POLR3G: variants seen among roughly 807,000 people sequenced by gnomAD.
POLR3G encodes the protein RNA polymerase III subunit G, also known as DNA-directed RNA polymerase III subunit RPC7.
POLR3G carries 28 observed loss-of-function variants against 30.1 expected under a neutral mutation model. That is an observed-to-expected ratio of 0.93 (90% CI 0.69 to 1.27). POLR3G has a LOEUF of 1.27. POLR3G is among the 50% of genes most tolerant of loss of function. The pLI is 0.00. For missense variants in POLR3G, 254 were observed against 264.6 expected, an observed-to-expected ratio of 0.96 and a Z score of 0.28; for synonymous variants, 79 against 82.5, an observed-to-expected ratio of 0.96 and a Z score of 0.23.
chr5:90,500,346 C>T (rs965304322), intron 5 of POLR3G, among the ~76,000 whole-genome samples: 3 of 151,900 alleles, frequency 2.0e-5, no homozygotes, highest in African/African-American at 7.3e-5. Flanking sequence ...TATGCAGATA[C>T]TTGGCCAAAG....
At position 90,487,883 on chromosome 5, in the gene POLR3G, T is replaced by A. The variant is rs549921739; in HGVS notation, c.118-117T>A. 2.3e-5 allele frequency: 18 copies of A among 766,594 alleles called. No individual in the cohort carries two copies. In the African/African-American group the frequency reaches 2.4e-4, roughly 10 times the overall value. 47.5% of individuals were successfully genotyped at this position (766,594 alleles called of 1,614,324 possible). ...TCATCTTTTAAGTTGGTTGTAAAACTTAGTGCCTGTAAAACATAGTATTTC... is the reference window on the plus strand; with the variant it reads ...TCATCTTTTAAGTTGGTTGTAAAACATAGTGCCTGTAAAACATAGTATTTC... On this transcript the variant is annotated intron_variant, in intron 2 of 7. Coordinates refer to ENST00000651687, the MANE Select transcript of POLR3G (RefSeq NM_006467.3).
intron 7 of POLR3G, among the ~76,000 whole-genome samples, chr5:90,507,306 T>A: frequency 6.6e-6 from 1 of 152,230 alleles, no homozygotes; most frequent in Non-Finnish European, 1.5e-5. Context: ...TTCTTCTCCA[T>A]TCTGGTGACC....
chr5:90,485,298 G>A (rs1048305485), intron 1 of POLR3G, among the ~76,000 whole-genome samples: 1 of 152,142 alleles, frequency 6.6e-6, no homozygotes, highest in Non-Finnish European at 1.5e-5. Context: ...ACTGGATGTG[G>A]GGCAGTAGTG....
rs1752808765 is a variant in POLR3G at position 90,513,039 on chromosome 5, A to G, written c.*900A>G. The G allele has an allele frequency of 6.6e-6, 1 of 152,028 alleles. No homozygotes were observed. Among genetic ancestry groups the G allele is most frequent in the Non-Finnish European group, 1.5e-5 (1 of 67,950 alleles). The allele number at this position is 152,028 out of a possible 1,614,324, so 9.4% of individuals were successfully genotyped here. A position where few individuals can be genotyped will look rare whatever the true frequency, so the allele number is the denominator to read the frequency against. ...ACAATTGATTTATATAAAAATGCAA[A>G]ATGAACTCAGGTCATTTTGAAATTA... On this transcript the variant is annotated 3_prime_UTR_variant, in exon 8 of 8. Transcript: ENST00000651687.
rs1751395351 is a variant in POLR3G at position 90,485,578 on chromosome 5, A to G, written c.11A>G (p.Asn4Ser). ...GTATAACTGGTTCTGATGGCTGGGA[A>G]TAAAGGAAGAGGACGTGCTGCTTAT... MAG[N>S]KGRGRAAYTF... Residue 4 changes from asparagine (N) to serine (S), a missense_variant, in exon 2 of 8, where the codon AAT becomes AGT. Coordinates refer to ENST00000651687, the MANE Select transcript of POLR3G (RefSeq NM_006467.3). 3.7e-6 allele frequency: 6 copies of G among 1,612,782 alleles called. No individual in the cohort carries two copies. The highest frequency in any genetic ancestry group is 1.7e-5 in the Admixed American group (1 of 59,880).
intron 6 of POLR3G, among the ~76,000 whole-genome samples, chr5:90,503,632 T>C (rs919718198): frequency 6.6e-6 from 1 of 152,258 alleles, no homozygotes; most frequent in Non-Finnish European, 1.5e-5. Flanking sequence ...ACTGGAAATT[T>C]AAATCTAGAA....
chr5:90,474,752 T>C (rs540076495), upstream of POLR3G: 1 of 187,552 alleles, frequency 5.3e-6, no homozygotes, highest in African/African-American at 2.4e-5. Context: ...GCAGAAAGTG[T>C]GGGGCCTCGC....
At chr5:90,480,881 G>A (rs1247600367) in intron 1 of POLR3G, among the ~76,000 whole-genome samples, 4 of 152,270 alleles carry the variant, frequency 2.6e-5, no homozygotes, top group Admixed American at 1.3e-4. Context: ...ATACTTGGGA[G>A]ATACGCTTTC....
intron 1 of POLR3G, among the ~76,000 whole-genome samples, chr5:90,478,990 A>G (rs887773983): frequency 5.1e-5 from 4 of 77,694 alleles, no homozygotes; most frequent in Non-Finnish European, 1.2e-4. Context: ...ATGTGCAGCC[A>G]GGTCCCACTC....
At chr5:90,479,669 T>G (rs1411421341) in intron 1 of POLR3G, among the ~76,000 whole-genome samples, 2 of 152,004 alleles carry the variant, frequency 1.3e-5, no homozygotes, top group East Asian at 3.9e-4. Flanking sequence ...ATGAAGTGGT[T>G]GTTGTGGTTG....
chr5:90,474,216 G>T (rs183138268), upstream of POLR3G: 21 of 1,612,840 alleles, frequency 1.3e-5, no homozygotes, highest in East Asian at 4.7e-4. Context: ...ACGGTTGCCC[G>T]ACTCGTAGAA....
At chr5:90,506,757 A>G (rs143218655) in intron 7 of POLR3G, 83 bp downstream of exon 7, 2 of 1,402,936 alleles carry the variant, frequency 1.4e-6, no homozygotes, top group East Asian at 2.5e-5. Flanking sequence ...ATTGAAATCA[A>G]TAAACAGAAA....
chr5:90,474,821 T>TG (rs1195987400), upstream of POLR3G: 1 of 176,812 alleles, frequency 5.7e-6, no homozygotes, highest in Admixed American at 6.4e-5. Flanking sequence ...GCCGAGGGGG[T>TG]GGGGCCTTCC....
intron 3 of POLR3G, chr5:90,490,747 C>A: frequency 7.7e-6 from 2 of 260,990 alleles, no homozygotes; most frequent in South Asian, 3.6e-5. Context: ...AAAACACACG[C>A]ATGTTAAAAA....
chr5:90,476,272 C>T (rs547022695), intron 1 of POLR3G, among the ~76,000 whole-genome samples: 1 of 152,270 alleles, frequency 6.6e-6, no homozygotes, highest in South Asian at 2.1e-4. Flanking sequence ...CAGCTGGGGG[C>T]TTTCCTTATG....
chr5:90,477,514 G>A (rs1286939013), intron 1 of POLR3G, among the ~76,000 whole-genome samples: 3 of 152,172 alleles, frequency 2.0e-5, no homozygotes, highest in Non-Finnish European at 4.4e-5. Flanking sequence ...AGAGAACAGA[G>A]CTGGTAAACC....
chr5:90,486,123 T>A (rs1435299926), intron 2 of POLR3G, among the ~76,000 whole-genome samples: 1 of 152,210 alleles, frequency 6.6e-6, no homozygotes, highest in Admixed American at 6.5e-5. Flanking sequence ...ACTGAACTTT[T>A]TTTGCTTATT....
At chr5:90,478,712 A>G (rs1020146972) in intron 1 of POLR3G, among the ~76,000 whole-genome samples, 2 of 150,886 alleles carry the variant, frequency 1.3e-5, no homozygotes, top group African/African-American at 4.9e-5. Context: ...GCGTGCCACC[A>G]TGTCCAGCTA....
chr5:90,485,718 G>A (rs753117825), intron 2 of POLR3G, 34 bp downstream of exon 2: 2 of 1,466,254 alleles, frequency 1.4e-6, no homozygotes, highest in South Asian at 2.4e-5. Flanking sequence ...CTCATAGTGT[G>A]TTTTTTCATT....
Sources: gnomAD v4.1 joint callset for allele counts (sites outside exome capture counted in the v4.1 genomes callset) on GRCh38, gnomAD v4.1.1 for gene constraint, MANE v1.5 for transcripts, NCBI Gene and HGNC (gene_info 2026-07-23, HGNC 2026-07-21) for gene names.